The following SLC34A1 variants were observed in gnomAD, a reference collection of about 807,000 sequenced individuals.
SLC34A1 encodes the protein sodium-dependent phosphate transport protein 2A.
Under a neutral mutation model 51.4 loss-of-function variants are expected in SLC34A1, and 57 were observed. The ratio of observed to expected loss-of-function variants is 1.11; its 90% CI spans 0.90 to 1.38. The LOEUF (loss-of-function observed/expected upper bound fraction) is 1.38. Ranked by LOEUF, SLC34A1 falls within the 40% of genes most tolerant of loss-of-function variation. The pLI, the probability that SLC34A1 is intolerant of heterozygous loss-of-function variation, is 0.00. For missense variants in SLC34A1, 796 were observed against 835.6 expected (o/e 0.95, Z 0.58); for synonymous variants, 368 against 358.0 (o/e 1.03, Z -0.32).
At position 177,385,904 on chromosome 5, in the gene SLC34A1, C is replaced by T. The variant is rs992910553; in HGVS notation, c.109+54C>T. The T allele has an allele frequency of 5.7e-5, 91 of 1,609,458 alleles. No homozygotes were observed. In the African/African-American group the frequency reaches 1.1e-3, roughly 19 times the overall value. Reference sequence around the variant, plus strand: ...TGGTTGCCCACGGTTGCCCACATCCCGGATGAGGCCACTTCCCCCGCCTGT... The same window carrying T: ...TGGTTGCCCACGGTTGCCCACATCCTGGATGAGGCCACTTCCCCCGCCTGT... On this transcript the variant is annotated intron_variant, in intron 2 of 12. Coordinates refer to ENST00000324417, the MANE Select transcript of SLC34A1 (RefSeq NM_003052.5).
Position 177,394,017 on chromosome 5 carries a change from AC to A in SLC34A1, c.1007-6del, listed in dbSNP as rs768029651. ...TGTGGGGTCAGCTGTCAGGAGCTCCACCCCCTGCAGGCAACCACATCTTTGT... is the reference window on the plus strand; with the variant it reads ...TGTGGGGTCAGCTGTCAGGAGCTCCACCCCTGCAGGCAACCACATCTTTGT... On this transcript the variant is annotated splice_polypyrimidine_tract_variant and intron_variant, in intron 9 of 12. Coordinates refer to ENST00000324417, the MANE Select transcript of SLC34A1 (RefSeq NM_003052.5). The A allele has an allele frequency of 3.1e-6, 5 of 1,613,510 alleles. No homozygotes were observed. The South Asian group carries it at 4.4e-5, about 14-fold the overall frequency.
intron 8 of SLC34A1, among the ~76,000 whole-genome samples, chr5:177,392,874 CAA>C (rs1334227979): frequency 6.6e-6 from 1 of 152,228 alleles, no homozygotes; most frequent in Admixed American, 6.5e-5. Context: ...CTCAGCCCCC[CAA>C]AGTGCTGGGA....
chr5:177,393,991 G>A, intron 9 of SLC34A1, 37 bp from the exon 10 acceptor site: 2 of 1,613,526 alleles, frequency 1.2e-6, no homozygotes, highest in Non-Finnish European at 1.7e-6. Flanking sequence ...TGGGAGCCAG[G>A]TGTGGGGTCA....
intron 8 of SLC34A1, chr5:177,390,524 G>A (rs1310077748): frequency 3.4e-6 from 1 of 291,912 alleles, no homozygotes; most frequent in Non-Finnish European, 5.1e-6. Flanking sequence ...CTATCTCGTT[G>A]CCTCTCTCAC....
intron 8 of SLC34A1, among the ~76,000 whole-genome samples, chr5:177,392,476 T>C (rs1428740436): frequency 2.0e-5 from 3 of 151,958 alleles, no homozygotes; most frequent in African/African-American, 7.3e-5. Flanking sequence ...AATAAATAAA[T>C]AAATAAATAA....
intron 1 of SLC34A1, among the ~76,000 whole-genome samples, chr5:177,385,410 C>T (rs1581633234): frequency 6.6e-6 from 1 of 152,210 alleles, no homozygotes; most frequent in Admixed American, 6.5e-5. Flanking sequence ...GAATGATCAC[C>T]TCACCACCAC....
intron 12 of SLC34A1, 105 bp downstream of exon 12, chr5:177,397,179 T>C: frequency 6.9e-7 from 1 of 1,439,718 alleles, no homozygotes; most frequent in South Asian, 1.2e-5. Context: ...GACTGCCTAC[T>C]AAGGGCCACC....
At position 177,386,351 on chromosome 5, in the gene SLC34A1, T is replaced by C. The variant is rs1266871681; in HGVS notation, c.388+2T>C. The C allele has an allele frequency of 1.9e-6, 3 of 1,614,152 alleles. No homozygotes were observed. Among genetic ancestry groups the C allele is most frequent in the Admixed American group, 1.7e-5 (1 of 60,022 alleles). On this transcript the variant is annotated splice_donor_variant, in intron 4 of 12. Coordinates refer to ENST00000324417, the MANE Select transcript of SLC34A1 (RefSeq NM_003052.5). LOFTEE classifies it high-confidence loss of function. This position sits in a 1 kb window ranked among gnomAD's most constrained non-coding sequence, Gnocchi z 4.8. ...GCTCGGCCTTCCAGCTGGCTGGAGGTAGGGCCCGGGTGGAGGAGACCTGGG... is the reference window on the plus strand; with the variant it reads ...GCTCGGCCTTCCAGCTGGCTGGAGGCAGGGCCCGGGTGGAGGAGACCTGGG...
chr5:177,390,150 T>G, intron 8 of SLC34A1: 1 of 1,018,648 alleles, frequency 9.8e-7, no homozygotes, highest in Non-Finnish European at 1.2e-6. Flanking sequence ...ACGCCAACTT[T>G]CACCATGCTG....
rs576751836 is a variant in SLC34A1, at chr5:177,387,812, A to G, written c.583A>G (p.Thr195Ala). 10 of 1,597,968 alleles carry G rather than the reference A, an allele frequency of 6.3e-6. No homozygotes were observed. Among genetic ancestry groups the G allele is most frequent in the African/African-American group, 1.4e-5 (1 of 69,358 alleles). ...IPIIMGSNIGTSVTNTIVALM... is the reference protein window; with the variant it reads ...IPIIMGSNIGASVTNTIVALM... ...CATCATCATGGGCTCCAACATCGGC[A>G]CCTCTGTCACCAACACCATCGTGGC... The change falls in exon 6 of 13, where the codon ACC becomes GCC. Residue 195 changes from threonine to alanine, a missense_variant. Transcript: ENST00000324417.
rs142312421 is a variant in SLC34A1, at chr5:177,385,767, G to A, written c.26G>A (p.Gly9Glu). 4 of 1,612,986 alleles carry A rather than the reference G, an allele frequency of 2.5e-6. No homozygotes were observed. The highest frequency in any genetic ancestry group is 2.2e-5 in the South Asian group (2 of 90,784). Reference sequence around the variant, plus strand: ...ATGTTGTCCTACGGAGAGAGGCTGGGGTCCCCTGCTGTCTCCCCACTCCCA... The same window carrying A: ...ATGTTGTCCTACGGAGAGAGGCTGGAGTCCCCTGCTGTCTCCCCACTCCCA... MLSYGERL[G>E]SPAVSPLPVR... Residue 9 changes from glycine to glutamate, a missense_variant, in exon 2 of 13, where the codon GGG (glycine) becomes GAG (glutamate). Transcript: ENST00000324417.
At position 177,386,473 on chromosome 5, in the gene SLC34A1, G is replaced by A. The variant is rs121918611; in HGVS notation, c.439G>A (p.Val147Met). ...GGATAACGCCATCCTGTCCAACCCG[G>A]TGGCCGGGCTGGTGGTGGGGATCCT... ...FKDNAILSNPVAGLVVGILVT... is the reference protein window; with the variant it reads ...FKDNAILSNPMAGLVVGILVT... Residue 147 changes from valine to methionine, a missense_variant, in exon 5 of 13, where the codon GTG becomes ATG. Physicochemically the swap from Val to Met is conservative, Grantham distance 21 (BLOSUM62 1). Coordinates refer to ENST00000324417, the MANE Select transcript of SLC34A1 (RefSeq NM_003052.5). The surrounding 1 kb of genome is among the most constrained non-coding windows in gnomAD (Gnocchi z 4.8). 3.1e-6 allele frequency: 5 copies of A among 1,614,092 alleles called. No homozygotes were observed. Among genetic ancestry groups the A allele is most frequent in the Non-Finnish European group, 4.2e-6 (5 of 1,180,034 alleles).
rs1207641215 is a variant in SLC34A1, at chr5:177,397,954, G to T, written c.1588G>T (p.Val530Leu). ...LVCFLLLPSL[V>L]FGISMAGWQV... ...CTGCTTCCTGCTGCTGCCCTCACTG[G>T]TGTTTGGCATCTCCATGGCAGGCTG... The change falls in exon 13 of 13, where the codon GTG (valine) becomes TTG (leucine). Residue 530 changes from valine (V) to leucine (L), a missense_variant. By Grantham distance (32) the Val-to-Leu change is conservative. Transcript: ENST00000324417. 3.1e-6 allele frequency: 5 copies of T among 1,613,924 alleles called. No individual in the cohort carries two copies. The Admixed American group carries it at 8.3e-5, about 27-fold the overall frequency.
chr5:177,386,590 G>C lies in SLC34A1; in HGVS notation c.532+24G>C. ...CTGTGAGTTGGCCCACCAGGGTGGGGAAGAGCTTGGAGGGGCACCCCAGGA... is the reference window on the plus strand; with the variant it reads ...CTGTGAGTTGGCCCACCAGGGTGGGCAAGAGCTTGGAGGGGCACCCCAGGA... On this transcript the variant is annotated intron_variant, in intron 5 of 12. Coordinates refer to ENST00000324417, the MANE Select transcript of SLC34A1 (RefSeq NM_003052.5). This position sits in a 1 kb window ranked among gnomAD's most constrained non-coding sequence, Gnocchi z 4.8. 6.2e-7 allele frequency: 1 copy of C among 1,613,184 alleles called. No individual in the cohort carries two copies. The highest frequency in any genetic ancestry group is 8.5e-7 in the Non-Finnish European group (1 of 1,179,910).
At position 177,398,147 on chromosome 5, in the gene SLC34A1, C is replaced by T. The variant is rs1411444191; in HGVS notation, c.1781C>T (p.Thr594Ile). ...CTGAAGCCCCTGGACCACCTCATCA[C>T]CCGCGCCACCCTATGCTGTGCCAGG... Reference protein sequence around the residue: ...HSLKPLDHLITRATLCCARPE... With the variant: ...HSLKPLDHLIIRATLCCARPE... Residue 594 changes from threonine (T) to isoleucine (I), a missense_variant, in exon 13 of 13, where the codon ACC (threonine) becomes ATC (isoleucine). Transcript: ENST00000324417. The surrounding 1 kb of genome is among the most constrained non-coding windows in gnomAD (Gnocchi z 4.7). The T allele has an allele frequency of 1.2e-6, 2 of 1,611,418 alleles. No homozygotes were observed. The highest frequency in any genetic ancestry group is 1.7e-6 in the Non-Finnish European group (2 of 1,178,252).
At chr5:177,392,871 C>T (rs1762849948) in intron 8 of SLC34A1, among the ~76,000 whole-genome samples, 2 of 152,192 alleles carry the variant, frequency 1.3e-5, no homozygotes, top group Non-Finnish European at 2.9e-5. Flanking sequence ...CACCTCAGCC[C>T]CCCAAAGTGC....
chr5:177,393,579 G>T (rs1762873230), intron 8 of SLC34A1, 115 bp from the exon 9 acceptor site: 1 of 959,272 alleles, frequency 1.0e-6, no homozygotes, highest in African/African-American at 1.6e-5. Flanking sequence ...ACCCATCCAT[G>T]GTCACAGAGC....
At position 177,397,122 on chromosome 5, in the gene SLC34A1, G is replaced by A. The variant is rs749474566; in HGVS notation, c.1416+48G>A. On this transcript the variant is annotated intron_variant, in intron 12 of 12. Coordinates refer to ENST00000324417, the MANE Select transcript of SLC34A1 (RefSeq NM_003052.5). ...CCTGGGGCAGGATGGAGCTGCCTCTGGGGTGTGGGGCCTCACAAAGGTGTG... is the reference window on the plus strand; with the variant it reads ...CCTGGGGCAGGATGGAGCTGCCTCTAGGGTGTGGGGCCTCACAAAGGTGTG... The A allele has an allele frequency of 2.6e-5, 41 of 1,600,490 alleles. No homozygotes were observed. In the Admixed American group the frequency reaches 7.0e-4, roughly 28 times the overall value.
chr5:177,396,433 C>G lies in SLC34A1; in HGVS notation c.1175-300C>G, dbSNP rs1373449732. On this transcript the variant is annotated intron_variant, in intron 10 of 12. Coordinates refer to ENST00000324417, the MANE Select transcript of SLC34A1 (RefSeq NM_003052.5). This position sits in a 1 kb window ranked among gnomAD's most constrained non-coding sequence, Gnocchi z 4.0. ...CTCTCCCAGTGCCCCCGCGGAGATC[C>G]GCTCTCCCAGTGCCCCCGCGGAGGT... Among the ~76,000 whole-genome samples the G allele has an allele frequency of 6.7e-6, 1 of 148,776 alleles. No individual in the cohort carries two copies. The highest frequency in any genetic ancestry group is 1.5e-5 in the Non-Finnish European group (1 of 66,882).
Sources: allele counts gnomAD v4.1 joint callset (sites outside exome capture counted in the v4.1 genomes callset), GRCh38; gene constraint gnomAD v4.1.1; non-coding constraint Gnocchi (gnomAD v3.1); transcripts MANE v1.5; gene names NCBI Gene and HGNC (gene_info 2026-07-23, HGNC 2026-07-21).